The following LRP1B variants were observed in gnomAD, a reference collection of about 807,000 sequenced individuals.
LRP1B encodes the protein LDL receptor related protein 1B.
A neutral mutation model predicts 556.6 loss-of-function variants in LRP1B; 217 were observed. That is an observed-to-expected ratio of 0.39 (90% CI 0.35 to 0.44). LRP1B has a LOEUF of 0.44. Among genes scored for constraint, LRP1B ranks in the 20% least tolerant of loss-of-function variants. LRP1B has a pLI of 1.00. For missense variants in LRP1B, 5,053 were observed against 5,620.8 expected (o/e 0.90, Z 3.23); for synonymous variants, 2,047 against 1,865.8 (o/e 1.10, Z -2.50).
At chr2:140,281,180 C>A (rs1404475763) in intron 84 of LRP1B, among the ~76,000 whole-genome samples, 1 of 151,778 alleles carries the variant, frequency 6.6e-6, no homozygotes, top group Non-Finnish European at 1.5e-5. Context: ...TTCCTTTAAT[C>A]TTTTCACAGT....
At chr2:140,344,564 C>T (rs908614974) in intron 77 of LRP1B, among the ~76,000 whole-genome samples, 2 of 151,968 alleles carry the variant, frequency 1.3e-5, no homozygotes, top group South Asian at 4.1e-4. Flanking sequence ...TCAGCAACAA[C>T]TAATGACTCC....
intron 77 of LRP1B, among the ~76,000 whole-genome samples, chr2:140,350,421 C>A (rs960674915): frequency 2.0e-5 from 3 of 151,870 alleles, no homozygotes; most frequent in African/African-American, 7.2e-5. Context: ...AATAGTTATC[C>A]CTGCATTACG....
At chr2:140,525,755 G>C (rs1204532263) in intron 49 of LRP1B, 89 bp downstream of exon 49, 1 of 1,196,468 alleles carries the variant, frequency 8.4e-7, no homozygotes, top group Non-Finnish European at 1.2e-6. Flanking sequence ...TTGATATTAA[G>C]AATAAAATTT....
intron 11 of LRP1B, among the ~76,000 whole-genome samples, chr2:141,025,025 A>C (rs1368443866): frequency 6.6e-6 from 1 of 152,128 alleles, no homozygotes; most frequent in African/African-American, 2.4e-5. Context: ...TAAGTGTCTT[A>C]CTTTGAGACA....
chr2:141,008,907 A>G (rs1041549337), intron 14 of LRP1B, among the ~76,000 whole-genome samples: 2 of 151,984 alleles, frequency 1.3e-5, no homozygotes, highest in African/African-American at 4.8e-5. Context: ...ATGTGAAAAC[A>G]TTTCACAAGC....
chr2:141,803,001 C>T (rs1265777448), intron 2 of LRP1B, among the ~76,000 whole-genome samples: 2 of 152,062 alleles, frequency 1.3e-5, no homozygotes, highest in Non-Finnish European at 2.9e-5. Flanking sequence ...TATTTCATTT[C>T]ACCCCTGCTA....
intron 2 of LRP1B, among the ~76,000 whole-genome samples, chr2:141,632,869 C>CAA (rs55807294): frequency 1.6e-3 from 207 of 133,206 alleles, no homozygotes; most frequent in African/African-American, 5.2e-3. Flanking sequence ...CTACAAGAAC[C>CAA]AAAAAAAAAA....
chr2:141,300,892 G>T (rs1006603860), intron 3 of LRP1B, among the ~76,000 whole-genome samples: 7 of 152,068 alleles, frequency 4.6e-5, no homozygotes, highest in African/African-American at 1.4e-4. Context: ...AGAGTCCTCA[G>T]GTGTTGAGAG....
chr2:140,382,565 T>G (rs1683564681), intron 67 of LRP1B, among the ~76,000 whole-genome samples: 1 of 152,136 alleles, frequency 6.6e-6, no homozygotes, highest in Non-Finnish European at 1.5e-5. Context: ...GCTGAACACT[T>G]AATGAGGGAA....
chr2:140,695,355 C>A (rs1243744789), intron 41 of LRP1B, among the ~76,000 whole-genome samples: 1 of 151,990 alleles, frequency 6.6e-6, no homozygotes, highest in African/African-American at 2.4e-5. Context: ...GTTTCTGTGG[C>A]CTCTAAGCTT....
At chr2:141,224,285 G>A (rs1314910316) in intron 6 of LRP1B, among the ~76,000 whole-genome samples, 1 of 152,036 alleles carries the variant, frequency 6.6e-6, no homozygotes, top group African/African-American at 2.4e-5. Flanking sequence ...AATCAAAACC[G>A]TGATGAGATA....
rs191182073 is a variant in LRP1B at position 141,800,325 on chromosome 2, C to T, written c.205+9954G>A. Among the ~76,000 whole-genome samples the T allele has an allele frequency of 7.2e-5, 11 of 152,304 alleles. No individual in the cohort carries two copies. In the East Asian group the frequency reaches 1.7e-3, roughly 24 times the overall value. On this transcript the variant is annotated intron_variant, in intron 2 of 90. Transcript: ENST00000389484. ...AGGCTGTATAGCATGCTGCAGTGTT[C>T]ACTGGTAGCTCTATCACTTAATTAC...
At chr2:141,054,094 T>C (rs747873604) in intron 10 of LRP1B, among the ~76,000 whole-genome samples, 2 of 152,034 alleles carry the variant, frequency 1.3e-5, no homozygotes, top group Admixed American at 6.6e-5. Flanking sequence ...GTTTGGACTC[T>C]TTGATTCTTC....
At chr2:140,539,580 T>C (rs1680057388) in intron 45 of LRP1B, among the ~76,000 whole-genome samples, 1 of 152,062 alleles carries the variant, frequency 6.6e-6, no homozygotes, top group Non-Finnish European at 1.5e-5. Flanking sequence ...AGGACAGGCC[T>C]CCACCGAACA....
chr2:141,899,338 G>A (rs780417181), intron 1 of LRP1B, among the ~76,000 whole-genome samples: 1 of 152,050 alleles, frequency 6.6e-6, no homozygotes, highest in African/African-American at 2.4e-5. Context: ...CTGTCATGTG[G>A]CATATGCTGT....
intron 7 of LRP1B, among the ~76,000 whole-genome samples, chr2:141,121,719 T>A (rs1028610708): frequency 6.6e-6 from 1 of 152,102 alleles, no homozygotes; most frequent in African/African-American, 2.4e-5. Flanking sequence ...AAGCTATCAA[T>A]GACCTTCTTC....
chr2:141,060,261 A>G (rs1175432802), intron 8 of LRP1B, among the ~76,000 whole-genome samples: 1 of 151,708 alleles, frequency 6.6e-6, no homozygotes, highest in Non-Finnish European at 1.5e-5. Flanking sequence ...TCATTTCTTC[A>G]TGCTTAGGTC....
intron 2 of LRP1B, among the ~76,000 whole-genome samples, chr2:141,603,850 C>T (rs879617964): frequency 2.6e-5 from 4 of 152,110 alleles, no homozygotes; most frequent in Non-Finnish European, 4.4e-5. Context: ...CTTGAGGATA[C>T]TACTATAATT....
intron 3 of LRP1B, among the ~76,000 whole-genome samples, chr2:141,322,620 G>A (rs944237582): frequency 4.6e-5 from 7 of 152,062 alleles, no homozygotes; most frequent in African/African-American, 1.7e-4. Context: ...GAGAGATGAC[G>A]TATTTTCCAA....
Sources: gnomAD v4.1 joint callset for allele counts (sites outside exome capture counted in the v4.1 genomes callset) on GRCh38, gnomAD v4.1.1 for gene constraint, MANE v1.5 for transcripts, NCBI Gene and HGNC (gene_info 2026-07-23, HGNC 2026-07-21) for gene names.